The following ZNF385B variants were observed in gnomAD, a reference collection of about 807,000 sequenced individuals.
ZNF385B encodes zinc finger protein 533.
In ZNF385B, 23 loss-of-function variants were observed where a neutral mutation model predicts 39.2. The observed-to-expected ratio is 0.59, with a 90% CI of 0.42 to 0.83. ZNF385B has a LOEUF of 0.83. ZNF385B is among the 40% of genes least tolerant of loss of function. The pLI is 0.00. For synonymous variants in ZNF385B, 205 were observed against 222.6 expected, an observed-to-expected ratio of 0.92 and a Z score of 0.70; for missense variants, 552 against 598.9, an observed-to-expected ratio of 0.92 and a Z score of 0.82.
intron 3 of ZNF385B, among the ~76,000 whole-genome samples, chr2:179,686,651 T>G (rs1420511354): frequency 6.6e-6 from 1 of 152,200 alleles, no homozygotes; most frequent in African/African-American, 2.4e-5. Flanking sequence ...TACCTTTCCA[T>G]GATCCCAAAA....
intron 4 of ZNF385B, among the ~76,000 whole-genome samples, chr2:179,532,858 C>T (rs1322375523): frequency 2.0e-5 from 3 of 152,162 alleles, no homozygotes; most frequent in Non-Finnish European, 4.4e-5. Context: ...TCCATTGGCC[C>T]TCCCAAAGCT....
intron 3 of ZNF385B, among the ~76,000 whole-genome samples, chr2:179,654,334 G>T (rs765851050): frequency 3.3e-5 from 5 of 152,122 alleles, no homozygotes; most frequent in Non-Finnish European, 7.3e-5. Context: ...ATGGTTAGAA[G>T]GAGTCTTGAG....
intron 3 of ZNF385B, among the ~76,000 whole-genome samples, chr2:179,660,826 C>T (rs1694382161): frequency 6.6e-6 from 1 of 152,234 alleles, no homozygotes; most frequent in Non-Finnish European, 1.5e-5. Context: ...CAAGCCAGCA[C>T]TAAAGCCAAT....
At chr2:179,524,551 C>CAAAAAAAAAAAAAA (rs770219234) in intron 4 of ZNF385B, among the ~76,000 whole-genome samples, 4 of 60,990 alleles carry the variant, frequency 6.6e-5, no homozygotes, top group African/African-American at 3.1e-4. Flanking sequence ...GACTCCGTCT[C>CAAAAAAAAAAAAAA]AAAAAAAAAA....
intron 4 of ZNF385B, among the ~76,000 whole-genome samples, chr2:179,531,230 C>A (rs7562576): frequency 6.6e-6 from 1 of 152,090 alleles, no homozygotes; most frequent in Admixed American, 6.6e-5. Context: ...ATAAGATGTC[C>A]AGTTAAAGTG....
chr2:179,737,058 C>T (rs1701808513), intron 3 of ZNF385B, among the ~76,000 whole-genome samples: 1 of 152,200 alleles, frequency 6.6e-6, no homozygotes, highest in South Asian at 2.1e-4. Context: ...TTCCAAACCT[C>T]ATCACATTGT....
intron 5 of ZNF385B, among the ~76,000 whole-genome samples, chr2:179,487,544 CTTAA>C (rs1275101476): frequency 2.0e-5 from 3 of 152,154 alleles, no homozygotes; most frequent in Admixed American, 6.6e-5. Context: ...TAGGAATCTT[CTTAA>C]TTGAGGAGTG....
At chr2:179,528,120 G>A (rs1017419040) in intron 4 of ZNF385B, among the ~76,000 whole-genome samples, 1 of 152,134 alleles carries the variant, frequency 6.6e-6, no homozygotes, top group Non-Finnish European at 1.5e-5. Flanking sequence ...TAGAGAAGTT[G>A]ATACAGAATC....
At chr2:179,841,091 C>T (rs1215485359) in intron 1 of ZNF385B, among the ~76,000 whole-genome samples, 2 of 152,358 alleles carry the variant, frequency 1.3e-5, no homozygotes, top group East Asian at 1.9e-4. Flanking sequence ...TTCTTTCAGT[C>T]TGCTGACTTT....
At chr2:179,632,083 C>A (rs563389398) in intron 3 of ZNF385B, among the ~76,000 whole-genome samples, 6 of 152,242 alleles carry the variant, frequency 3.9e-5, no homozygotes, top group Non-Finnish European at 4.4e-5. Context: ...GAGACTTAGA[C>A]TCCCACACAA....
At chr2:179,823,940 AG>A (rs1309939450) in intron 1 of ZNF385B, among the ~76,000 whole-genome samples, 1 of 152,154 alleles carries the variant, frequency 6.6e-6, no homozygotes, top group Non-Finnish European at 1.5e-5. Context: ...GAGCAATTAC[AG>A]GTATTTACTA....
chr2:179,788,750 G>A (rs1289417801), intron 1 of ZNF385B, among the ~76,000 whole-genome samples: 3 of 152,114 alleles, frequency 2.0e-5, no homozygotes, highest in Non-Finnish European at 4.4e-5. Context: ...AGAAGAAAAT[G>A]CCTTGTTGAA....
At chr2:179,555,888 A>G (rs1515297) in intron 3 of ZNF385B, among the ~76,000 whole-genome samples, 106,276 of 148,282 alleles carry the variant, frequency 0.72, 40,299 homozygotes, top group East Asian at 0.95. Flanking sequence ...GACAGCAGCC[A>G]CCATGGCAGC....
chr2:179,633,070 CA>C (rs1691392543), intron 3 of ZNF385B, among the ~76,000 whole-genome samples: 1 of 152,196 alleles, frequency 6.6e-6, no homozygotes, highest in Middle Eastern at 3.4e-3. Flanking sequence ...GATAGCCTAC[CA>C]ACTAAAAAAT....
intron 1 of ZNF385B, among the ~76,000 whole-genome samples, chr2:179,793,477 T>C (rs1705467731): frequency 6.6e-6 from 1 of 152,154 alleles, no homozygotes; most frequent in Admixed American, 6.6e-5. Context: ...GTTTCTGCCA[T>C]GCTGTTCTCC....
Position 179,702,357 on chromosome 2 carries a change from C to T in ZNF385B, c.298+67146G>A, listed in dbSNP as rs367988783. Reference sequence around the variant, plus strand: ...AAAATAGAAAACAATGATTATTGTACGTACTTTATTTCAATTTATAGCTAT... The same window carrying T: ...AAAATAGAAAACAATGATTATTGTATGTACTTTATTTCAATTTATAGCTAT... On this transcript the variant is annotated intron_variant, in intron 3 of 9. Coordinates refer to ENST00000410066, the MANE Select transcript of ZNF385B (RefSeq NM_152520.6). Among the ~76,000 whole-genome samples, 68 of 152,160 alleles carry T rather than the reference C, an allele frequency of 4.5e-4. No homozygotes were observed. The South Asian group carries it at 0.013, about 29-fold the overall frequency.
At chr2:179,837,652 T>G (rs1234566520) in intron 1 of ZNF385B, among the ~76,000 whole-genome samples, 1 of 152,230 alleles carries the variant, frequency 6.6e-6, no homozygotes, top group Non-Finnish European at 1.5e-5. Context: ...AAAGGTATTT[T>G]GAGGGTATTC....
chr2:179,714,942 C>CAAAAAAAAAAAAAAAAA (rs34449760), intron 3 of ZNF385B, among the ~76,000 whole-genome samples: 8 of 79,250 alleles, frequency 1.0e-4, no homozygotes, highest in East Asian at 8.0e-4. Context: ...GATTCTATCT[C>CAAAAAAAAAAAAAAAAA]AAAAAAAAAA....
At chr2:179,486,606 A>G (rs2054594326) in intron 5 of ZNF385B, among the ~76,000 whole-genome samples, 1 of 152,212 alleles carries the variant, frequency 6.6e-6, no homozygotes, top group South Asian at 2.1e-4. Context: ...ACCAGGTCTG[A>G]TCCTTCTGTT....
Sources: gnomAD v4.1 joint callset for allele counts (sites outside exome capture counted in the v4.1 genomes callset) on GRCh38, gnomAD v4.1.1 for gene constraint, MANE v1.5 for transcripts, NCBI Gene and HGNC (gene_info 2026-07-23, HGNC 2026-07-21) for gene names.